The following COL19A1 variants were observed in gnomAD, a reference collection of about 807,000 sequenced individuals.
COL19A1 encodes the protein collagen type XIX alpha 1 chain.
In COL19A1, 159 loss-of-function variants were observed where a neutral mutation model predicts 190.2. The observed-to-expected ratio is 0.84, with a 90% CI of 0.73 to 0.95. The LOEUF (loss-of-function observed/expected upper bound fraction) is 0.95. Ranked by LOEUF, COL19A1 falls within the 40% of genes least tolerant of loss-of-function variation. COL19A1 has a pLI of 0.00. For synonymous variants in COL19A1, 509 were observed against 458.9 expected (o/e 1.11, Z -1.39); for missense variants, 1,418 against 1,431.9 (o/e 0.99, Z 0.16).
At chr6:70,051,027 G>A (rs1780173062) in intron 14 of COL19A1, among the ~76,000 whole-genome samples, 1 of 152,030 alleles carries the variant, frequency 6.6e-6, no homozygotes, top group Non-Finnish European at 1.5e-5. Context: ...TTAGTAATAT[G>A]TAAGGGTCAA....
intron 22 of COL19A1, 65 bp downstream of exon 22, chr6:70,142,141 A>G: frequency 7.0e-7 from 1 of 1,438,492 alleles, no homozygotes; most frequent in Non-Finnish European, 9.6e-7. Context: ...TCTGTGTAAA[A>G]CATGGTGCTT....
At chr6:69,917,588 G>C (rs116579964) in intron 4 of COL19A1, among the ~76,000 whole-genome samples, 2,813 of 152,224 alleles carry the variant, frequency 0.018, 110 homozygotes, top group African/African-American at 0.064. Context: ...TAAAAAGTCA[G>C]GTAGGCACAA....
At chr6:70,188,868 A>C (rs1317626810) in intron 47 of COL19A1, among the ~76,000 whole-genome samples, 2 of 152,204 alleles carry the variant, frequency 1.3e-5, no homozygotes, top group Non-Finnish European at 2.9e-5. Context: ...TCTTGAAGTG[A>C]AGTAGGGCAG....
chr6:69,953,796 T>G (rs1774261410), intron 9 of COL19A1, among the ~76,000 whole-genome samples: 1 of 152,046 alleles, frequency 6.6e-6, no homozygotes, highest in South Asian at 2.1e-4. Flanking sequence ...TTTGGTTTAA[T>G]GTACTACCAG....
At chr6:70,188,504 G>A (rs1766665209) in intron 47 of COL19A1, among the ~76,000 whole-genome samples, 1 of 152,168 alleles carries the variant, frequency 6.6e-6, no homozygotes, top group African/African-American at 2.4e-5. Context: ...CGCATAAAAT[G>A]AGCATTAACT....
intron 1 of COL19A1, among the ~76,000 whole-genome samples, chr6:69,873,701 T>C (rs542299659): frequency 6.6e-6 from 1 of 152,332 alleles, no homozygotes; most frequent in Admixed American, 6.5e-5. Flanking sequence ...TCATAATAAT[T>C]AACCCAATGC....
intron 11 of COL19A1, among the ~76,000 whole-genome samples, chr6:69,992,492 ATGT>A (rs1463032333): frequency 4.6e-5 from 7 of 152,118 alleles, no homozygotes; most frequent in Non-Finnish European, 8.8e-5. Flanking sequence ...AGAAAAAAAA[ATGT>A]TGTTAGTAGT....
chr6:69,976,947 C>T (rs770601094), intron 11 of COL19A1, among the ~76,000 whole-genome samples: 12 of 152,132 alleles, frequency 7.9e-5, no homozygotes, highest in Admixed American at 1.3e-4. Context: ...TACTAGAAGA[C>T]CCATCTGAAG....
chr6:70,158,906 A>G (rs1290633983), intron 34 of COL19A1, among the ~76,000 whole-genome samples: 1 of 152,078 alleles, frequency 6.6e-6, no homozygotes, highest in Non-Finnish European at 1.5e-5. Context: ...TTTAATGATC[A>G]TCTTGTCTTC....
chr6:70,090,045 G>A (rs981400319), intron 15 of COL19A1, among the ~76,000 whole-genome samples: 66 of 152,170 alleles, frequency 4.3e-4, no homozygotes, highest in African/African-American at 1.4e-3. Context: ...AAGTATGGTG[G>A]CACATACCTG....
At chr6:70,204,276 G>C (rs945867771) in intron 49 of COL19A1, among the ~76,000 whole-genome samples, 3 of 152,134 alleles carry the variant, frequency 2.0e-5, no homozygotes, top group Non-Finnish European at 4.4e-5. Flanking sequence ...TCTATAAATG[G>C]GGAAAGCTGT....
At chr6:70,184,070 T>C (rs181451831) in intron 44 of COL19A1, among the ~76,000 whole-genome samples, 3 of 152,364 alleles carry the variant, frequency 2.0e-5, no homozygotes, top group East Asian at 1.9e-4. Flanking sequence ...AGTTTTCTAA[T>C]AAAAAGTGAC....
chr6:70,136,521 C>T (rs1270688476), intron 18 of COL19A1, among the ~76,000 whole-genome samples: 1 of 151,988 alleles, frequency 6.6e-6, no homozygotes, highest in Non-Finnish European at 1.5e-5. Context: ...GTGGAAAAAA[C>T]AAGTCATAGT....
chr6:69,930,410 AG>A (rs1359184700), intron 6 of COL19A1, among the ~76,000 whole-genome samples: 1 of 152,160 alleles, frequency 6.6e-6, no homozygotes, highest in Non-Finnish European at 1.5e-5. Context: ...ATGTATAAAC[AG>A]TTTATAGTTT....
intron 9 of COL19A1, among the ~76,000 whole-genome samples, chr6:69,954,345 C>T (rs766867971): frequency 4.6e-5 from 7 of 151,898 alleles, no homozygotes; most frequent in Non-Finnish European, 1.0e-4. Flanking sequence ...ACTGACCCAG[C>T]GTATGGTACC....
At chr6:69,982,759 T>C (rs1776106949) in intron 11 of COL19A1, among the ~76,000 whole-genome samples, 1 of 150,374 alleles carries the variant, frequency 6.7e-6, no homozygotes, top group Non-Finnish European at 1.5e-5. Flanking sequence ...GATCACGACG[T>C]CAGGAGATCG....
chr6:70,120,456 A>C (rs1784821722), intron 16 of COL19A1, among the ~76,000 whole-genome samples: 1 of 152,138 alleles, frequency 6.6e-6, no homozygotes, highest in African/African-American at 2.4e-5. Context: ...CTTAACTTGC[A>C]TGTTCTTGGC....
intron 42 of COL19A1, among the ~76,000 whole-genome samples, chr6:70,177,824 G>GT (rs1288242836): frequency 1.3e-5 from 2 of 152,206 alleles, no homozygotes; most frequent in East Asian, 1.9e-4. Context: ...ATAAAGTCTA[G>GT]TTTTTTTCAT....
intron 16 of COL19A1, among the ~76,000 whole-genome samples, chr6:70,118,896 C>G (rs1784733427): frequency 2.0e-5 from 3 of 152,136 alleles, no homozygotes. Flanking sequence ...GTGGTAAGCT[C>G]AGCAGCAGCC....
Sources: allele counts gnomAD v4.1 joint callset (sites outside exome capture counted in the v4.1 genomes callset), GRCh38; gene constraint gnomAD v4.1.1; transcripts MANE v1.5; gene names NCBI Gene and HGNC (gene_info 2026-07-23, HGNC 2026-07-21).